The following ZNF723 variants were observed in gnomAD, a reference collection of about 807,000 sequenced individuals.
ZNF723 encodes zinc finger protein 723, pseudogene.
Under a neutral mutation model 9.4 loss-of-function variants are expected in ZNF723, and 5 were observed. That is an observed-to-expected ratio of 0.53 (90% CI 0.28 to 1.12). The LOEUF (loss-of-function observed/expected upper bound fraction) is 1.12. Among genes scored for constraint, ZNF723 ranks in the 50% most tolerant of loss-of-function variants. The pLI is 0.10. For missense variants in ZNF723, 450 were observed against 501.5 expected, an observed-to-expected ratio of 0.90 and a Z score of 0.98; for synonymous variants, 158 against 168.8, an observed-to-expected ratio of 0.94 and a Z score of 0.49.
the ZNF723 span, among the ~76,000 whole-genome samples, chr19:22,816,733 G>C: frequency 6.6e-6 from 1 of 152,244 alleles, no homozygotes; most frequent in Non-Finnish European, 1.5e-5. Context: ...AGAGAATTTT[G>C]ACATATCACT....
At chr19:22,815,058 A>G in the ZNF723 span, among the ~76,000 whole-genome samples, 1 of 151,962 alleles carries the variant, frequency 6.6e-6, no homozygotes, top group South Asian at 2.1e-4. Flanking sequence ...ATATCTGTTC[A>G]TTTATCACCT....
At chr19:22,831,626 C>A (rs148975258), upstream of ZNF723, among the ~76,000 whole-genome samples, 616 of 149,654 alleles carry the variant, frequency 4.1e-3, 8 homozygotes, top group African/African-American at 0.014. Context: ...TAAAAAAAAT[C>A]TTGGCCGGGC....
intron 1 of ZNF723, among the ~76,000 whole-genome samples, chr19:22,839,143 C>T (rs1967206721): frequency 6.6e-6 from 1 of 152,192 alleles, no homozygotes; most frequent in East Asian, 1.9e-4. Context: ...GCTGTGATTA[C>T]AGGCATGAGC....
intron 1 of ZNF723, among the ~76,000 whole-genome samples, chr19:22,844,751 G>C (rs1191148421): frequency 2.0e-5 from 3 of 152,196 alleles, no homozygotes; most frequent in Non-Finnish European, 4.4e-5. Flanking sequence ...AAGGGACTCT[G>C]TGCTGTGCCT....
At chr19:22,857,057 G>C (rs1182931356) in intron 3 of ZNF723, 61 bp from the exon 4 acceptor site, 1 of 640,078 alleles carries the variant, frequency 1.6e-6, no homozygotes, top group East Asian at 2.7e-5. Flanking sequence ...GCTTAGATTT[G>C]TAAAGTATAT....
At chr19:22,822,167 A>G in the ZNF723 span, among the ~76,000 whole-genome samples, 2 of 152,234 alleles carry the variant, frequency 1.3e-5, no homozygotes. Context: ...ATGTAATAAT[A>G]GGGTCTACCA....
upstream of ZNF723, among the ~76,000 whole-genome samples, chr19:22,829,461 T>G (rs571545716): frequency 1.3e-4 from 20 of 152,196 alleles, no homozygotes; most frequent in Non-Finnish European, 2.6e-4. Context: ...AATTTTTGTA[T>G]TTTTGTAGAG....
rs193101183 is a variant in ZNF723 at position 22,853,321 on chromosome 19, T to G, written c.227-3797T>G. On this transcript the variant is annotated intron_variant, in intron 3 of 3. Transcript: ENST00000600766. ...ATTTTCTCTTGAGATTCCATATACT[T>G]TTGCTATTGCTGTTTACATTTTTTC... Among the ~76,000 whole-genome samples the G allele has an allele frequency of 2.0e-3, 308 of 152,210 alleles. 4 individuals are homozygous for G. The highest frequency in any genetic ancestry group is 0.011 in the South Asian group (52 of 4,834).
At chr19:22,838,320 G>A (rs918815614) in intron 1 of ZNF723, among the ~76,000 whole-genome samples, 1 of 152,114 alleles carries the variant, frequency 6.6e-6, no homozygotes, top group African/African-American at 2.4e-5. Flanking sequence ...TTGGGAGGCT[G>A]AGGCGAGTGG....
chr19:22,839,451 G>A (rs946386967), intron 1 of ZNF723, among the ~76,000 whole-genome samples: 1 of 146,548 alleles, frequency 6.8e-6, no homozygotes, highest in East Asian at 2.0e-4. Context: ...AACCTTGCCA[G>A]CATGTTTTTT....
intron 3 of ZNF723, among the ~76,000 whole-genome samples, chr19:22,851,181 A>AT (rs969504684): frequency 9.7e-5 from 13 of 133,534 alleles, no homozygotes; most frequent in South Asian, 7.2e-4. Flanking sequence ...ATTTATTACT[A>AT]TTTTTTTTGA....
upstream of ZNF723, among the ~76,000 whole-genome samples, chr19:22,829,946 TG>T (rs936853653): frequency 2.4e-4 from 37 of 152,352 alleles, no homozygotes; most frequent in African/African-American, 8.7e-4. Flanking sequence ...GTAGCTATGC[TG>T]GAGTATCTCT....
At chr19:22,828,725 C>G (rs904039492), upstream of ZNF723, among the ~76,000 whole-genome samples, 3 of 152,044 alleles carry the variant, frequency 2.0e-5, no homozygotes, top group African/African-American at 7.2e-5. Flanking sequence ...TCCAAACAGA[C>G]CAAACCAAAC....
chr19:22,846,080 A>G (rs1165001520), intron 1 of ZNF723, among the ~76,000 whole-genome samples: 1 of 150,960 alleles, frequency 6.6e-6, no homozygotes, highest in African/African-American at 2.4e-5. Flanking sequence ...ATTTCTTTTT[A>G]GAGCCTTTTC....
chr19:22,817,497 G>A, the ZNF723 span, among the ~76,000 whole-genome samples: 1 of 151,842 alleles, frequency 6.6e-6, no homozygotes, highest in Non-Finnish European at 1.5e-5. Flanking sequence ...TAGGTGAGGT[G>A]TCTGTCCTGC....
the ZNF723 span, among the ~76,000 whole-genome samples, chr19:22,825,993 C>A: frequency 6.6e-6 from 1 of 152,334 alleles, no homozygotes; most frequent in African/African-American, 2.4e-5. Context: ...TAGCCTTGCT[C>A]ACAGGGGACA....
At chr19:22,816,642 C>G in the ZNF723 span, among the ~76,000 whole-genome samples, 1 of 152,226 alleles carries the variant, frequency 6.6e-6, no homozygotes, top group Admixed American at 6.5e-5. Context: ...GGGCTCAGCC[C>G]ACAGATTGGA....
intron 1 of ZNF723, among the ~76,000 whole-genome samples, chr19:22,841,281 C>T (rs1020332349): frequency 6.6e-6 from 1 of 152,162 alleles, no homozygotes; most frequent in African/African-American, 2.4e-5. Flanking sequence ...AATAAGCTTA[C>T]ACCGATGGCC....
intron 1 of ZNF723, among the ~76,000 whole-genome samples, chr19:22,846,537 C>T (rs1402607048): frequency 2.0e-5 from 3 of 152,198 alleles, no homozygotes; most frequent in East Asian, 1.9e-4. Flanking sequence ...GCAGGAGAAT[C>T]GCTTGAACCC....
Sources: gnomAD v4.1 joint callset for allele counts (sites outside exome capture counted in the v4.1 genomes callset) on GRCh38, gnomAD v4.1.1 for gene constraint, MANE v1.5 for transcripts, NCBI Gene and HGNC (gene_info 2026-07-23, HGNC 2026-07-21) for gene names.